ADGRG6: variants seen among roughly 807,000 people sequenced by gnomAD.
ADGRG6 encodes the protein G-protein coupled receptor 126.
Under a neutral mutation model 142.4 loss-of-function variants are expected in ADGRG6, and 84 were observed. That is an observed-to-expected ratio of 0.59 (90% CI 0.49 to 0.71). The LOEUF (loss-of-function observed/expected upper bound fraction) is 0.71. ADGRG6 is among the 30% of genes least tolerant of loss of function. ADGRG6 has a pLI of 0.00. For synonymous variants in ADGRG6, 521 were observed against 520.5 expected (o/e 1.00, Z -0.01); for missense variants, 1,367 against 1,466.6 (o/e 0.93, Z 1.11).
intron 4 of ADGRG6, among the ~76,000 whole-genome samples, chr6:142,377,633 A>G (rs1781565972): frequency 6.6e-6 from 1 of 152,344 alleles, no homozygotes; most frequent in Non-Finnish European, 1.5e-5. Context: ...ATCATATTCT[A>G]AAACCAATTT....
At chr6:142,344,169 A>G (rs554190140) in intron 2 of ADGRG6, among the ~76,000 whole-genome samples, 1 of 151,942 alleles carries the variant, frequency 6.6e-6, no homozygotes, top group Non-Finnish European at 1.5e-5. Flanking sequence ...CCTTCCCTAG[A>G]TGGTGTCACT....
intron 22 of ADGRG6, among the ~76,000 whole-genome samples, chr6:142,434,290 T>C (rs1244865353): frequency 6.6e-6 from 1 of 151,884 alleles, no homozygotes; most frequent in African/African-American, 2.4e-5. Context: ...GCCTTATTCA[T>C]ACCTCTCAGA....
At chr6:142,349,717 AAC>A (rs747084007) in intron 2 of ADGRG6, among the ~76,000 whole-genome samples, 7 of 152,248 alleles carry the variant, frequency 4.6e-5, no homozygotes, top group Non-Finnish European at 1.0e-4. Context: ...CCATAGAGTA[AAC>A]ACACACAAAA....
intron 4 of ADGRG6, 34 bp from the exon 5 acceptor site, chr6:142,381,917 A>T (rs1294131660): frequency 1.5e-6 from 2 of 1,376,704 alleles, no homozygotes; most frequent in Non-Finnish European, 2.0e-6. Flanking sequence ...TAAATCATAA[A>T]TCAAACTTAC....
At chr6:142,318,219 A>G (rs1275579191) in intron 2 of ADGRG6, among the ~76,000 whole-genome samples, 1 of 38,866 alleles carries the variant, frequency 2.6e-5, no homozygotes. Flanking sequence ...TTTATATATT[A>G]TATATATTTA....
intron 6 of ADGRG6, among the ~76,000 whole-genome samples, chr6:142,385,563 A>G (rs1019115072): frequency 6.6e-6 from 1 of 152,166 alleles, no homozygotes; most frequent in African/African-American, 2.4e-5. Context: ...CTATTTCACA[A>G]TTGTAAAGTG....
intron 22 of ADGRG6, among the ~76,000 whole-genome samples, chr6:142,435,922 T>C (rs117137259): frequency 6.6e-6 from 1 of 152,048 alleles, no homozygotes; most frequent in Non-Finnish European, 1.5e-5. Context: ...ATGGAAAGAT[T>C]TGGGAGAAGA....
At chr6:142,426,336 A>G (rs1208336376) in intron 22 of ADGRG6, among the ~76,000 whole-genome samples, 1 of 152,216 alleles carries the variant, frequency 6.6e-6, no homozygotes, top group African/African-American at 2.4e-5. Flanking sequence ...TAAAGGGGCT[A>G]CAGGCCCAGT....
At chr6:142,406,193 T>TTG (rs1304590438) in intron 15 of ADGRG6, among the ~76,000 whole-genome samples, 4 of 151,668 alleles carry the variant, frequency 2.6e-5, no homozygotes, top group Admixed American at 2.6e-4. Flanking sequence ...GGAAAGGGTT[T>TTG]TTTTTTTTTC....
intron 10 of ADGRG6, among the ~76,000 whole-genome samples, chr6:142,398,512 G>A (rs765638685): frequency 2.0e-5 from 3 of 152,194 alleles, no homozygotes; most frequent in Non-Finnish European, 4.4e-5. Flanking sequence ...GGTCATGAAT[G>A]TAGGGATTCT....
At chr6:142,378,258 C>A (rs1781591701) in intron 4 of ADGRG6, among the ~76,000 whole-genome samples, 1 of 152,196 alleles carries the variant, frequency 6.6e-6, no homozygotes, top group African/African-American at 2.4e-5. Flanking sequence ...TTTCCCACAA[C>A]ACTGAGCCCT....
chr6:142,394,262 G>A (rs1324479306), intron 9 of ADGRG6, among the ~76,000 whole-genome samples: 2 of 151,980 alleles, frequency 1.3e-5, no homozygotes, highest in African/African-American at 2.4e-5. Flanking sequence ...AAATTGCAAA[G>A]GTACCTTCAA....
intron 2 of ADGRG6, among the ~76,000 whole-genome samples, chr6:142,314,040 A>C (rs1305994361): frequency 6.6e-6 from 1 of 152,214 alleles, no homozygotes; most frequent in Non-Finnish European, 1.5e-5. Context: ...TACTGTCTGA[A>C]GCTTTCAGCT....
chr6:142,310,802 T>C (rs1777731823), intron 2 of ADGRG6, among the ~76,000 whole-genome samples: 1 of 151,862 alleles, frequency 6.6e-6, no homozygotes, highest in African/African-American at 2.4e-5. Flanking sequence ...CTGTCATTAT[T>C]AGAGGAAACA....
At chr6:142,422,626 C>T (rs1258063081) in intron 22 of ADGRG6, among the ~76,000 whole-genome samples, 2 of 150,370 alleles carry the variant, frequency 1.3e-5, no homozygotes, top group East Asian at 3.9e-4. Context: ...AATAAACATA[C>T]GTGTGCATGT....
At chr6:142,440,291 T>A (rs1006713308) in intron 24 of ADGRG6, among the ~76,000 whole-genome samples, 1 of 152,110 alleles carries the variant, frequency 6.6e-6, no homozygotes, top group African/African-American at 2.4e-5. Flanking sequence ...TATTTTATTT[T>A]ATTTATTTAT....
intron 4 of ADGRG6, among the ~76,000 whole-genome samples, chr6:142,376,124 T>TTATTAAATA (rs1411635634): frequency 6.6e-6 from 1 of 152,166 alleles, no homozygotes; most frequent in East Asian, 1.9e-4. Context: ...TTAAATACAT[T>TTATTAAATA]CAGTTTTATG....
chr6:142,317,793 A>ATT (rs1562305908), intron 2 of ADGRG6, among the ~76,000 whole-genome samples: 2 of 92,704 alleles, frequency 2.2e-5, no homozygotes, highest in East Asian at 5.4e-4. Flanking sequence ...TATATATAAT[A>ATT]TATATATTAT....
intron 22 of ADGRG6, among the ~76,000 whole-genome samples, chr6:142,436,531 A>C (rs576453382): frequency 1.3e-5 from 2 of 152,304 alleles, no homozygotes; most frequent in South Asian, 4.1e-4. Context: ...GGGAGGCAGC[A>C]AAAGTTAACC....
Sources: gnomAD v4.1 joint callset for allele counts (sites outside exome capture counted in the v4.1 genomes callset) on GRCh38, gnomAD v4.1.1 for gene constraint, MANE v1.5 for transcripts, NCBI Gene and HGNC (gene_info 2026-07-23, HGNC 2026-07-21) for gene names.